Variants in CELSR1 observed in about 807,000 individuals in gnomAD.
CELSR1 encodes cadherin EGF LAG seven-pass G-type receptor 1.
CELSR1 carries 110 observed loss-of-function variants against 249.1 expected under a neutral mutation model. The observed-to-expected ratio is 0.44, with a 90% confidence interval of 0.38 to 0.52. CELSR1 has a LOEUF of 0.52. CELSR1 is among the 20% of genes least tolerant of loss of function. The pLI, the probability that CELSR1 is intolerant of heterozygous loss-of-function variation, is 0.00. For missense variants in CELSR1, 4,109 were observed against 4,296.4 expected, an observed-to-expected ratio of 0.96 and a Z score of 1.22; for synonymous variants, 2,113 against 1,900.0, an observed-to-expected ratio of 1.11 and a Z score of -2.92.
Position 46,409,915 on chromosome 22 carries a change from G to A in CELSR1, c.4934-35C>T, listed in dbSNP as rs747385691. ...CAGAGCGTGCGGCAGAGCCTGACTCGGAGGAACCGCCCGGGGTCCCCGGCG... is the reference window on the plus strand; with the variant it reads ...CAGAGCGTGCGGCAGAGCCTGACTCAGAGGAACCGCCCGGGGTCCCCGGCG... On this transcript the variant is annotated intron_variant, in intron 7 of 34. Transcript: ENST00000674500. This position sits in a 1 kb window ranked among gnomAD's most constrained non-coding sequence, Gnocchi z 9.8. The A allele has an allele frequency of 1.7e-5, 28 of 1,606,464 alleles. No homozygotes were observed. In the South Asian group the frequency reaches 2.0e-4, roughly 11 times the overall value.
chr22:46,424,767 G>A (rs530900661), intron 5 of CELSR1, among the ~76,000 whole-genome samples: 1 of 152,342 alleles, frequency 6.6e-6, no homozygotes, highest in South Asian at 2.1e-4. Context: ...GAGGTCAGGA[G>A]TTCAAAACCA....
In CELSR1 at chr22:46,364,706, C is replaced by G. The variant is rs752903892; in HGVS notation, c.8585G>C (p.Gly2862Ala). The change falls in exon 33 of 35, where the codon GGC becomes GCC. Residue 2862 changes from glycine (G) to alanine (A), a missense_variant. Gly to Ala is a moderately conservative substitution (Grantham distance 60). Around this residue, in one of 7 missense-constraint regions of CELSR1, gnomAD observed 1,805 missense variants for 1,831.6 expected, o/e 0.99. Coordinates refer to ENST00000674500, the MANE Select transcript of CELSR1 (RefSeq NM_001378328.1). Reference protein sequence around the residue: ...GDAVANHVPAGWPDQSLAESD... With the variant: ...GDAVANHVPAAWPDQSLAESD... ...CTCAGCCAGGCTCTGGTCGGGCCAG[C>G]CGGCCGGAACGTGGTTGGCCACAGC... 3 of 1,612,410 alleles carry G rather than the reference C, an allele frequency of 1.9e-6. No individual in the cohort carries two copies. The highest frequency in any genetic ancestry group is 1.1e-5 in the South Asian group (1 of 91,062).
Position 46,526,244 on chromosome 22 carries a change from C to T in CELSR1, c.3544+7383G>A, listed in dbSNP as rs370201580. Among the ~76,000 whole-genome samples, 13 of 152,304 alleles carry T rather than the reference C, an allele frequency of 8.5e-5. No individual in the cohort carries two copies. The highest frequency in any genetic ancestry group is 3.9e-4 in the East Asian group (2 of 5,182). On this transcript the variant is annotated intron_variant, in intron 1 of 34. Transcript: ENST00000674500. The surrounding 1 kb of genome is among the most constrained non-coding windows in gnomAD (Gnocchi z 4.7). ...GTTACTGTCCTGGCAAACCCGTCTA[C>T]GAAGCTTGGCCACAGTAGCCCTTTG...
In CELSR1 at chr22:46,403,540, G is replaced by A. The variant is rs573345318; in HGVS notation, c.5227-3638C>T. 5.2e-4 allele frequency among the ~76,000 whole-genome samples: 79 copies of A among 150,910 alleles called. 1 individual carries two copies. The highest frequency in any genetic ancestry group is 9.3e-4 in the Non-Finnish European group (63 of 67,632). The stretch of plus-strand genomic sequence containing the variant: ...CCACTGCACTCCAGCCTGGGCGACA[G>A]AGCAAGACTCTGTCACACACACAAA... On this transcript the variant is annotated intron_variant, in intron 9 of 34. Coordinates refer to ENST00000674500, the MANE Select transcript of CELSR1 (RefSeq NM_001378328.1).
chr22:46,400,189 G>C (rs1386684141), intron 9 of CELSR1, among the ~76,000 whole-genome samples: 2 of 150,988 alleles, frequency 1.3e-5, no homozygotes, highest in African/African-American at 4.9e-5. Flanking sequence ...AATTAGCTAG[G>C]TGTGGTGGTA....
chr22:46,434,228 G>A lies in CELSR1; in HGVS notation c.4523-747C>T, dbSNP rs1322813908. ...GTGAGGTCGCGGACGCGTCTCTTGT[G>A]CATCTCTGCTTTGGGGTGTCTGTCA... is the stretch of plus-strand genomic sequence containing the variant. On this transcript the variant is annotated intron_variant, in intron 4 of 34. Transcript: ENST00000674500. The surrounding 1 kb of genome is among the most constrained non-coding windows in gnomAD (Gnocchi z 4.9). 1.3e-5 allele frequency among the ~76,000 whole-genome samples: 2 copies of A among 152,256 alleles called. No individual in the cohort carries two copies. The highest frequency in any genetic ancestry group is 2.4e-5 in the African/African-American group (1 of 41,466).
intron 18 of CELSR1, among the ~76,000 whole-genome samples, chr22:46,388,635 G>T (rs941294438): frequency 2.0e-5 from 3 of 152,182 alleles, no homozygotes; most frequent in African/African-American, 7.2e-5. Context: ...CTCCTCTGGG[G>T]GTCCTGTCTG....
rs112171327 is a variant in CELSR1 at position 46,527,975 on chromosome 22, A to G, written c.3544+5652T>C. 0.027 allele frequency among the ~76,000 whole-genome samples: 4,169 copies of G among 151,964 alleles called. 174 individuals are homozygous for G. Among genetic ancestry groups the G allele is most frequent in the African/African-American group, 0.092 (3,820 of 41,428 alleles). ...CCAGGCATGATGGCGGGTACCTATA[A>G]TCCCAGCTACTTGGGAAGCTGAGGC... On this transcript the variant is annotated intron_variant, in intron 1 of 34. Coordinates refer to ENST00000674500, the MANE Select transcript of CELSR1 (RefSeq NM_001378328.1). This position sits in a 1 kb window ranked among gnomAD's most constrained non-coding sequence, Gnocchi z 5.5.
chr22:46,462,661 A>G (rs2080044728), intron 2 of CELSR1: 1 of 194,044 alleles, frequency 5.2e-6, no homozygotes, highest in African/African-American at 2.5e-5. Context: ...AAAAAAAAAA[A>G]AGACAGACTA....
intron 2 of CELSR1, among the ~76,000 whole-genome samples, chr22:46,442,769 C>G (rs2079766826): frequency 6.6e-6 from 1 of 152,192 alleles, no homozygotes; most frequent in Non-Finnish European, 1.5e-5. Context: ...GCATCTCCCA[C>G]TCTTCATTAC....
At chr22:46,422,594 A>C (rs943764931) in intron 5 of CELSR1, among the ~76,000 whole-genome samples, 2 of 149,310 alleles carry the variant, frequency 1.3e-5, no homozygotes, top group African/African-American at 2.4e-5. Context: ...AATAATAAAA[A>C]ATAAATAAAT....
rs1379932887 is a variant in CELSR1 at position 46,412,572 on chromosome 22, A to G, written c.4612-813T>C. 6.6e-6 allele frequency among the ~76,000 whole-genome samples: 1 copy of G among 151,880 alleles called. No homozygotes were observed. On this transcript the variant is annotated intron_variant, in intron 5 of 34. Coordinates refer to ENST00000674500, the MANE Select transcript of CELSR1 (RefSeq NM_001378328.1). This position sits in a 1 kb window ranked among gnomAD's most constrained non-coding sequence, Gnocchi z 4.5. The stretch of plus-strand genomic sequence containing the variant: ...TCTGGAATCAGTGACCTTGGGTGAA[A>G]CCTTTCCCTTCTCCAAGAGACTGTG...
At chr22:46,367,308 A>C (rs1214526332) in intron 28 of CELSR1, among the ~76,000 whole-genome samples, 190 bp from the exon 29 acceptor site, 2 of 152,158 alleles carry the variant, frequency 1.3e-5, no homozygotes, top group Non-Finnish European at 1.5e-5. Flanking sequence ...GAGCTCAGAA[A>C]CTGAGATGCC....
chr22:46,397,762 A>G lies in CELSR1; in HGVS notation c.5613T>C (p.Asp1871=), dbSNP rs755048553. The change falls in exon 12 of 35, where the codon GAT becomes GAC. Residue 1871 remains aspartate (D), a synonymous_variant. Transcript: ENST00000674500. ...ALKVRVKDGC[D]VDDPCTSSPC... is the part of the protein sequence containing the mutation. Reference sequence around the variant, plus strand: ...GGCTCGAGGTACAGGGGTCGTCCACATCACAGCCGTCCTTCACCCTGACCT... The same window carrying G: ...GGCTCGAGGTACAGGGGTCGTCCACGTCACAGCCGTCCTTCACCCTGACCT... 1 of 1,602,722 alleles carries G rather than the reference A, an allele frequency of 6.2e-7. No homozygotes were observed. The highest frequency in any genetic ancestry group is 1.1e-5 in the South Asian group (1 of 88,896).
chr22:46,442,735 G>A (rs2079766326), intron 2 of CELSR1, among the ~76,000 whole-genome samples: 1 of 152,202 alleles, frequency 6.6e-6, no homozygotes, highest in Non-Finnish European at 1.5e-5. Context: ...TGAAGAATCT[G>A]AGTTCTCCCT....
At position 46,429,695 on chromosome 22, in the gene CELSR1, C is replaced by T. The variant is rs772245746; in HGVS notation, c.4611+3698G>A. The stretch of plus-strand genomic sequence containing the variant: ...TGGCTTTGGCCAGTGGGGAGCCAGA[C>T]GGGAGGATAGAGTGAGGGAGGGGAG... On this transcript the variant is annotated intron_variant, in intron 5 of 34. Coordinates refer to ENST00000674500, the MANE Select transcript of CELSR1 (RefSeq NM_001378328.1). This position sits in a 1 kb window ranked among gnomAD's most constrained non-coding sequence, Gnocchi z 4.1. Among the ~76,000 whole-genome samples the T allele has an allele frequency of 5.3e-5, 8 of 152,302 alleles. No homozygotes were observed. The highest frequency in any genetic ancestry group is 7.2e-5 in the African/African-American group (3 of 41,572).
chr22:46,451,306 C>G (rs1196183772), intron 2 of CELSR1, among the ~76,000 whole-genome samples: 1 of 152,260 alleles, frequency 6.6e-6, no homozygotes, highest in African/African-American at 2.4e-5. Context: ...GAGCCCGGCA[C>G]TGCAGAAGCC....
In CELSR1 at chr22:46,398,679, C is replaced by A; in HGVS notation, c.5413-42G>T. ...GCCGGGGATCTGGGGGCTGCATCCA[C>A]CATCCTAGAAACGTCTCTCAGATGG... On this transcript the variant is annotated intron_variant, in intron 10 of 34. Coordinates refer to ENST00000674500, the MANE Select transcript of CELSR1 (RefSeq NM_001378328.1). This position sits in a 1 kb window ranked among gnomAD's most constrained non-coding sequence, Gnocchi z 7.2. 1 of 1,500,846 alleles carries A rather than the reference C, an allele frequency of 6.7e-7. No homozygotes were observed. Among genetic ancestry groups the A allele is most frequent in the Non-Finnish European group, 9.1e-7 (1 of 1,094,532 alleles). The allele number at this position is 1,500,846 out of a possible 1,614,324, so 93.0% of individuals were successfully genotyped here.
chr22:46,481,721 G>T, intron 1 of CELSR1: 1 of 521,322 alleles, frequency 1.9e-6, no homozygotes, highest in Non-Finnish European at 3.5e-6. Context: ...TCCTGCACCC[G>T]CAGCTGCTGC....
Sources: gnomAD v4.1 joint callset for allele counts (sites outside exome capture counted in the v4.1 genomes callset) on GRCh38, gnomAD v4.1.1 for gene constraint, gnomAD v4.1.1 regional missense constraint, Gnocchi (gnomAD v3.1) non-coding constraint, MANE v1.5 for transcripts, NCBI Gene and HGNC (gene_info 2026-07-23, HGNC 2026-07-21) for gene names.